Variants in SLC24A3 observed in about 807,000 individuals in gnomAD.
SLC24A3 encodes the protein solute carrier family 24 member 3, also known as sodium/potassium/calcium exchanger 3.
Under a neutral mutation model 75.8 loss-of-function variants are expected in SLC24A3, and 28 were observed. That is an observed-to-expected ratio of 0.37 (90% CI 0.27 to 0.51). The LOEUF (loss-of-function observed/expected upper bound fraction) is 0.51. Among genes scored for constraint, SLC24A3 ranks in the 20% least tolerant of loss-of-function variants. The pLI is 0.94. For synonymous variants in SLC24A3, 372 were observed against 334.1 expected, an observed-to-expected ratio of 1.11 and a Z score of -1.24; for missense variants, 663 against 847.8, an observed-to-expected ratio of 0.78 and a Z score of 2.71.
In SLC24A3 at chr20:19,212,796, A is replaced by G; in HGVS notation, c.-47A>G. 1 of 976,518 alleles carries G rather than the reference A, an allele frequency of 1.0e-6. No individual in the cohort carries two copies. Among genetic ancestry groups the G allele is most frequent in the Non-Finnish European group, 1.2e-6 (1 of 826,148 alleles). The allele number at this position is 976,518 out of a possible 1,614,324, so 60.5% of individuals were successfully genotyped here. ...GCTGTCCCCGCCGCGGCCGCCCGCGACAGGAGCGGCCGCCGCCCGCCGAGG... is the reference window on the plus strand; with the variant it reads ...GCTGTCCCCGCCGCGGCCGCCCGCGGCAGGAGCGGCCGCCGCCCGCCGAGG... On this transcript the variant is annotated 5_prime_UTR_variant, in exon 1 of 17. Coordinates refer to ENST00000328041, the MANE Select transcript of SLC24A3 (RefSeq NM_020689.4).
At chr20:19,392,458 A>T (rs1336571152) in intron 2 of SLC24A3, among the ~76,000 whole-genome samples, 1 of 152,210 alleles carries the variant, frequency 6.6e-6, no homozygotes, top group African/African-American at 2.4e-5. Flanking sequence ...ATGTTCCAGC[A>T]TAGCTCCCAG....
At chr20:19,586,494 T>A (rs979830859) in intron 6 of SLC24A3, among the ~76,000 whole-genome samples, 1 of 152,040 alleles carries the variant, frequency 6.6e-6, no homozygotes, top group African/African-American at 2.4e-5. Context: ...GCTGATTGGG[T>A]CAGGGGGCTA....
At chr20:19,698,105 G>A (rs1022936623) in intron 14 of SLC24A3, among the ~76,000 whole-genome samples, 4 of 152,174 alleles carry the variant, frequency 2.6e-5, no homozygotes, top group Non-Finnish European at 5.9e-5. Flanking sequence ...GAGCAAGAGG[G>A]TGGGGGGAGG....
chr20:19,303,929 A>G (rs2122249821), intron 2 of SLC24A3, among the ~76,000 whole-genome samples: 1 of 152,278 alleles, frequency 6.6e-6, no homozygotes, highest in East Asian at 1.9e-4. Context: ...TAGACAGGTC[A>G]AGTATTACAA....
chr20:19,690,191 A>G (rs958800968), intron 12 of SLC24A3, among the ~76,000 whole-genome samples: 9 of 152,186 alleles, frequency 5.9e-5, no homozygotes, highest in Admixed American at 1.3e-4. Context: ...ATGCTCATTG[A>G]ATTTCTGCTT....
intron 2 of SLC24A3, among the ~76,000 whole-genome samples, chr20:19,282,556 G>A (rs950190471): frequency 1.3e-5 from 2 of 152,254 alleles, no homozygotes; most frequent in African/African-American, 2.4e-5. Context: ...GGCATAGCAG[G>A]GAAGGCACAG....
At chr20:19,514,993 A>C (rs2029955565) in intron 2 of SLC24A3, among the ~76,000 whole-genome samples, 1 of 152,152 alleles carries the variant, frequency 6.6e-6, no homozygotes, top group South Asian at 2.1e-4. Context: ...TGAGCCACAG[A>C]CCCTTTTGGT....
intron 2 of SLC24A3, chr20:19,283,043 G>C (rs1238500633): frequency 6.6e-6 from 1 of 152,652 alleles, no homozygotes; most frequent in Non-Finnish European, 1.5e-5. Flanking sequence ...GGCTTCAGGA[G>C]GAATATGGGA....
chr20:19,383,542 C>T (rs1441560416), intron 2 of SLC24A3, among the ~76,000 whole-genome samples: 3 of 152,156 alleles, frequency 2.0e-5, no homozygotes, highest in African/African-American at 4.8e-5. Context: ...TGTCCTTCTG[C>T]CTGTCGTGCT....
chr20:19,692,289 AAG>A (rs1260501150), intron 12 of SLC24A3, among the ~76,000 whole-genome samples: 1 of 152,232 alleles, frequency 6.6e-6, no homozygotes, highest in East Asian at 1.9e-4. Context: ...GTCTTCGTCC[AAG>A]AGAGATGAAA....
chr20:19,417,584 G>A (rs555172318), intron 2 of SLC24A3, among the ~76,000 whole-genome samples: 28 of 152,318 alleles, frequency 1.8e-4, no homozygotes, highest in African/African-American at 6.0e-4. Context: ...AGAAATCAGG[G>A]TGCCAGATAT....
chr20:19,281,327 C>G (rs188010503), intron 2 of SLC24A3, among the ~76,000 whole-genome samples: 1 of 152,122 alleles, frequency 6.6e-6, no homozygotes, highest in Non-Finnish European at 1.5e-5. Flanking sequence ...ACTCCTGATG[C>G]GGTACTGAGA....
At chr20:19,514,947 T>C (rs928352149) in intron 2 of SLC24A3, among the ~76,000 whole-genome samples, 116 of 152,212 alleles carry the variant, frequency 7.6e-4, no homozygotes, top group African/African-American at 2.8e-3. Flanking sequence ...AGGAGCAAAA[T>C]GAAGACCCAC....
At chr20:19,317,062 A>T (rs6075497) in intron 2 of SLC24A3, among the ~76,000 whole-genome samples, 46,786 of 151,986 alleles carry the variant, frequency 0.31, 7,636 homozygotes, top group Middle Eastern at 0.52. Flanking sequence ...AAAACAAGCA[A>T]TGGGGAAAGG....
At chr20:19,530,144 A>G (rs1000593989) in intron 3 of SLC24A3, among the ~76,000 whole-genome samples, 2 of 152,196 alleles carry the variant, frequency 1.3e-5, no homozygotes, top group African/African-American at 2.4e-5. Flanking sequence ...GAATGTATTC[A>G]TATATACTTG....
At chr20:19,432,315 A>G (rs1430566548) in intron 2 of SLC24A3, among the ~76,000 whole-genome samples, 1 of 148,690 alleles carries the variant, frequency 6.7e-6, no homozygotes, top group African/African-American at 2.4e-5. Context: ...TATAATCTTA[A>G]TAATCATCCT....
chr20:19,269,466 A>G (rs974622541), intron 1 of SLC24A3, among the ~76,000 whole-genome samples: 9 of 152,260 alleles, frequency 5.9e-5, no homozygotes, highest in African/African-American at 2.2e-4. Context: ...AACAAGTAGC[A>G]TTTAACTGAC....
At chr20:19,388,190 T>G (rs548479844) in intron 2 of SLC24A3, among the ~76,000 whole-genome samples, 1 of 152,330 alleles carries the variant, frequency 6.6e-6, no homozygotes, top group East Asian at 1.9e-4. Flanking sequence ...TAGGTCTTCT[T>G]TATTTTTTCT....
At chr20:19,695,193 A>G (rs1483772072) in intron 13 of SLC24A3, among the ~76,000 whole-genome samples, 1 of 152,172 alleles carries the variant, frequency 6.6e-6, no homozygotes, top group Non-Finnish European at 1.5e-5. Flanking sequence ...TTGAACAGGG[A>G]AGGAGCGATT....
Sources: gnomAD v4.1 joint callset for allele counts (sites outside exome capture counted in the v4.1 genomes callset) on GRCh38, gnomAD v4.1.1 for gene constraint, MANE v1.5 for transcripts, NCBI Gene and HGNC (gene_info 2026-07-23, HGNC 2026-07-21) for gene names.